Variants in ARL14EPL observed in about 807,000 individuals in gnomAD.
ARL14EPL encodes the protein ARL14 effector protein-like.
In ARL14EPL, 17 loss-of-function variants were observed where a neutral mutation model predicts 15.9. The observed-to-expected ratio is 1.07, with a 90% CI of 0.73 to 1.60. The LOEUF (loss-of-function observed/expected upper bound fraction) is 1.60. Ranked by LOEUF, ARL14EPL falls within the 40% of genes most tolerant of loss-of-function variation. The pLI, the probability that ARL14EPL is intolerant of heterozygous loss-of-function variation, is 0.00. For missense variants in ARL14EPL, 214 were observed against 185.9 expected (o/e 1.15, Z -0.88); for synonymous variants, 78 against 63.8 (o/e 1.22, Z -1.06).
chr5:116,056,474 G>A (rs957190840), intron 3 of ARL14EPL, among the ~76,000 whole-genome samples: 43 of 152,204 alleles, frequency 2.8e-4, no homozygotes, highest in Non-Finnish European at 4.9e-4. Context: ...CATATCCTTC[G>A]CCCACTTGTT....
intron 1 of ARL14EPL, among the ~76,000 whole-genome samples, chr5:116,037,152 G>T (rs941111678): frequency 1.3e-5 from 2 of 152,234 alleles, no homozygotes; most frequent in Non-Finnish European, 2.9e-5. Context: ...CAAAGAGAAG[G>T]CCCAGCATGG....
At chr5:116,051,211 A>G (rs996533751) in intron 1 of ARL14EPL, 1 of 405,146 alleles carries the variant, frequency 2.5e-6, no homozygotes, top group African/African-American at 2.1e-5. Context: ...TTATGATGCT[A>G]AGGACTGTCA....
At chr5:116,040,060 T>C (rs1006168819) in intron 1 of ARL14EPL, among the ~76,000 whole-genome samples, 5 of 152,164 alleles carry the variant, frequency 3.3e-5, no homozygotes, top group African/African-American at 1.2e-4. Flanking sequence ...TGCCAAACTT[T>C]TTACTCTCCC....
At chr5:116,053,738 C>T (rs927836248) in intron 2 of ARL14EPL, among the ~76,000 whole-genome samples, 4 of 152,100 alleles carry the variant, frequency 2.6e-5, no homozygotes, top group East Asian at 3.8e-4. Flanking sequence ...TGGCGTTTTG[C>T]GGTTTTAAAA....
At chr5:116,051,259 G>C (rs1749371051) in intron 1 of ARL14EPL, 198 bp from the exon 2 acceptor site, 1 of 478,008 alleles carries the variant, frequency 2.1e-6, no homozygotes, top group Non-Finnish European at 3.7e-6. Flanking sequence ...CCCCGGCAGA[G>C]GAGAGCCTCA....
intron 1 of ARL14EPL, among the ~76,000 whole-genome samples, chr5:116,038,368 G>C (rs541964648): frequency 1.1e-4 from 17 of 152,282 alleles, no homozygotes; most frequent in African/African-American, 3.8e-4. Flanking sequence ...GGGCAATGGG[G>C]ATGATTACAC....
rs1301864520 is a variant in ARL14EPL at position 116,052,328 on chromosome 5, G to A, written c.96+767G>A. 1.1e-5 allele frequency: 10 copies of A among 937,572 alleles called. No individual in the cohort carries two copies. The African/African-American group carries it at 1.1e-4, about 11-fold the overall frequency. 58.1% of individuals were successfully genotyped at this position (937,572 alleles called of 1,614,324 possible). ...GCAGCAGACACCGCAGCCTTGCAAA[G>A]ATGTCGGACAAAAAAGCTACAAATG... On this transcript the variant is annotated intron_variant, in intron 2 of 3. Transcript: ENST00000686077.
At chr5:116,054,331 T>C (rs6877996) in intron 3 of ARL14EPL, among the ~76,000 whole-genome samples, 178 bp downstream of exon 3, 3,293 of 152,308 alleles carry the variant, frequency 0.022, 117 homozygotes, top group African/African-American at 0.075. Context: ...AAAAATAGAC[T>C]ATAATCCCGA....
intron 1 of ARL14EPL, among the ~76,000 whole-genome samples, chr5:116,038,760 C>A (rs1398483980): frequency 6.6e-6 from 1 of 152,004 alleles, no homozygotes; most frequent in Non-Finnish European, 1.5e-5. Context: ...AAATAGAGCA[C>A]ATTCTGAAAA....
intron 3 of ARL14EPL, among the ~76,000 whole-genome samples, chr5:116,057,507 A>T (rs777005176): frequency 2.6e-5 from 4 of 152,148 alleles, no homozygotes; most frequent in Non-Finnish European, 4.4e-5. Flanking sequence ...GGAGGACAGA[A>T]TCTGACCTGT....
intron 1 of ARL14EPL, among the ~76,000 whole-genome samples, chr5:116,049,829 C>T (rs78885375): frequency 0.046 from 6,984 of 152,234 alleles, 533 homozygotes; most frequent in African/African-American, 0.16. Context: ...TTAGAAATAA[C>T]AGTTATTATA....
At chr5:116,047,935 G>A (rs1749304070) in intron 1 of ARL14EPL, among the ~76,000 whole-genome samples, 1 of 152,210 alleles carries the variant, frequency 6.6e-6, no homozygotes, top group South Asian at 2.1e-4. Context: ...GCAGAAGACA[G>A]AGAGAAAGTT....
intron 1 of ARL14EPL, among the ~76,000 whole-genome samples, chr5:116,047,834 G>A (rs975856798): frequency 6.6e-6 from 1 of 152,138 alleles, no homozygotes; most frequent in Non-Finnish European, 1.5e-5. Flanking sequence ...TTGGAGAAAA[G>A]GGGTGCTGGT....
chr5:116,057,007 A>T (rs916082455), intron 3 of ARL14EPL, among the ~76,000 whole-genome samples: 2 of 152,238 alleles, frequency 1.3e-5, no homozygotes, highest in Non-Finnish European at 2.9e-5. Context: ...CCTGATGAAC[A>T]TCAATGCAAA....
At chr5:116,053,989 A>G in intron 2 of ARL14EPL, 25 bp from the exon 3 acceptor site, 2 of 1,519,228 alleles carry the variant, frequency 1.3e-6, no homozygotes, top group Non-Finnish European at 1.8e-6. Flanking sequence ...GGTTCTTACT[A>G]TTAATACATT....
chr5:116,050,661 G>T (rs1749352443), intron 1 of ARL14EPL, among the ~76,000 whole-genome samples: 1 of 152,118 alleles, frequency 6.6e-6, no homozygotes, highest in African/African-American at 2.4e-5. Context: ...GGTAGTTGAT[G>T]AGAATCAGGG....
At chr5:116,046,605 A>C (rs1749272872) in intron 1 of ARL14EPL, among the ~76,000 whole-genome samples, 1 of 152,132 alleles carries the variant, frequency 6.6e-6, no homozygotes, top group Non-Finnish European at 1.5e-5. Flanking sequence ...AGTAAACATC[A>C]TGTATCCATC....
intron 1 of ARL14EPL, among the ~76,000 whole-genome samples, chr5:116,044,893 C>T (rs1749235242): frequency 6.6e-6 from 1 of 152,158 alleles, no homozygotes; most frequent in Non-Finnish European, 1.5e-5. Context: ...GAAGGCAGTA[C>T]AGTTTTCCTT....
chr5:116,058,487 T>C (rs926238823), intron 3 of ARL14EPL, among the ~76,000 whole-genome samples: 2 of 152,178 alleles, frequency 1.3e-5, no homozygotes, highest in African/African-American at 4.8e-5. Flanking sequence ...CTGGCTGCAC[T>C]GGAAGTTGTT....
Sources: allele counts gnomAD v4.1 joint callset (sites outside exome capture counted in the v4.1 genomes callset), GRCh38; gene constraint gnomAD v4.1.1; transcripts MANE v1.5; gene names NCBI Gene and HGNC (gene_info 2026-07-23, HGNC 2026-07-21).